The following E2F7 variants were observed in gnomAD, a reference collection of about 807,000 sequenced individuals.
E2F7 encodes E2F transcription factor 7, also known as transcription factor E2F7.
In E2F7, 35 loss-of-function variants were observed where a neutral mutation model predicts 81.1. That is an observed-to-expected ratio of 0.43 (90% CI 0.33 to 0.57). The LOEUF (loss-of-function observed/expected upper bound fraction) is 0.57. Ranked by LOEUF, E2F7 falls within the 20% of genes least tolerant of loss-of-function variation. E2F7 has a pLI of 0.04. For missense variants in E2F7, 961 were observed against 1,093.7 expected, an observed-to-expected ratio of 0.88 and a Z score of 1.71; for synonymous variants, 416 against 416.2, an observed-to-expected ratio of 1.00 and a Z score of 0.01.
Position 77,064,535 on chromosome 12 carries a change from T to G in E2F7, c.93+8A>C. ...ATATTAGAAACTAAGGTGTTTATGT[T>G]TGCTTACCTTTTGTGCATTTTCCCC... On this transcript the variant is annotated splice_region_variant and intron_variant, in intron 2 of 12. Coordinates refer to ENST00000322886, the MANE Select transcript of E2F7 (RefSeq NM_203394.3). 6.2e-7 allele frequency: 1 copy of G among 1,613,292 alleles called. No individual in the cohort carries two copies. The highest frequency in any genetic ancestry group is 8.5e-7 in the Non-Finnish European group (1 of 1,179,284).
At chr12:77,034,872 AAAC>A (rs1293903684) in intron 7 of E2F7, among the ~76,000 whole-genome samples, 6 of 152,258 alleles carry the variant, frequency 3.9e-5, no homozygotes, top group African/African-American at 1.4e-4. Context: ...TAAAAATGAA[AAAC>A]AACAACAAAA....
intron 3 of E2F7, among the ~76,000 whole-genome samples, chr12:77,053,761 G>A (rs1415289392): frequency 2.6e-5 from 4 of 152,252 alleles, no homozygotes; most frequent in Admixed American, 1.3e-4. Flanking sequence ...AGCTACATGC[G>A]AAAACACAAA....
rs143868229 is a variant in E2F7 at position 77,055,972 on chromosome 12, T to C, written c.252A>G (p.Thr84=). 7.9e-5 allele frequency: 127 copies of C among 1,614,170 alleles called. No homozygotes were observed. In the African/African-American group the frequency reaches 1.6e-3, roughly 20 times the overall value. ...CACTAATGAGCATCTTCAGGTTAGC[T>C]GTGGGTGTCCATGGTTCCGCTTGCT... ...DRQQAEPWTP[T]ANLKMLISAA... Residue 84 remains threonine, a synonymous_variant, in exon 3 of 13, where the codon ACA becomes ACG. Transcript: ENST00000322886.
chr12:77,029,268 C>T (rs573636697), intron 10 of E2F7, among the ~76,000 whole-genome samples: 1 of 152,358 alleles, frequency 6.6e-6, no homozygotes, highest in East Asian at 1.9e-4. Context: ...AATGACAGTG[C>T]TCCTGCTTTC....
In E2F7 at chr12:77,056,888, CT is replaced by C. The variant is rs35865722; in HGVS notation, c.94-759del. On this transcript the variant is annotated intron_variant, in intron 2 of 12. Transcript: ENST00000322886. Reference sequence around the variant, plus strand: ...TTGCTACTGAGGTTTATTTTTCTTACTTTTTTTTTTTTTTTAAAAGATAGGG... The same window carrying C: ...TTGCTACTGAGGTTTATTTTTCTTACTTTTTTTTTTTTTTAAAAGATAGGG... Among the ~76,000 whole-genome samples, 791 of 145,736 alleles carry C rather than the reference CT, an allele frequency of 5.4e-3. 1 individual carries two copies. Among genetic ancestry groups the C allele is most frequent in the African/African-American group, 0.013 (508 of 39,710 alleles).
chr12:77,052,215 AG>A (rs1383696852), intron 3 of E2F7, among the ~76,000 whole-genome samples: 1 of 152,206 alleles, frequency 6.6e-6, no homozygotes, highest in Non-Finnish European at 1.5e-5. Context: ...TTTAATCTCT[AG>A]ATTAAATGCA....
intron 9 of E2F7, among the ~76,000 whole-genome samples, chr12:77,032,078 G>C (rs141530795): frequency 6.6e-6 from 1 of 152,078 alleles, no homozygotes; most frequent in African/African-American, 2.4e-5. Flanking sequence ...TTCCACCTCT[G>C]GTGAGCACAG....
At chr12:77,060,441 C>T (rs1429124750) in intron 2 of E2F7, among the ~76,000 whole-genome samples, 1 of 152,156 alleles carries the variant, frequency 6.6e-6, no homozygotes, top group South Asian at 2.1e-4. Flanking sequence ...GAAAGGTCTT[C>T]GTTGTCTTGG....
intron 3 of E2F7, 28 bp from the exon 4 acceptor site, chr12:77,050,772 G>A (rs1301225157): frequency 1.2e-6 from 2 of 1,605,024 alleles, no homozygotes; most frequent in Non-Finnish European, 1.7e-6. Flanking sequence ...AAGGGAGGGG[G>A]AAGATGTCAC....
At chr12:77,053,757 A>G (rs960497921) in intron 3 of E2F7, among the ~76,000 whole-genome samples, 3 of 152,240 alleles carry the variant, frequency 2.0e-5, no homozygotes, top group Non-Finnish European at 4.4e-5. Flanking sequence ...CTACAGCTAC[A>G]TGCGAAAACA....
In E2F7 at chr12:77,025,621, G is replaced by A. The variant is rs765117396; in HGVS notation, c.2502C>T (p.Val834=). The change falls in exon 12 of 13, where the codon GTC becomes GTT. Residue 834 remains valine, a synonymous_variant. Transcript: ENST00000322886. ...LSPVMSRSHS[V]VQQPESPVYV... is the part of the protein sequence containing the mutation. The stretch of plus-strand genomic sequence containing the variant: ...AAACGGGGGACTCAGGTTGTTGGAC[G>A]ACACTGTGTGACCTTGACATCACTG... 6 of 1,614,182 alleles carry A rather than the reference G, an allele frequency of 3.7e-6. No homozygotes were observed. In the South Asian group the frequency reaches 4.4e-5, roughly 12 times the overall value.
chr12:77,065,173 C>G (rs1232709431), intron 1 of E2F7, among the ~76,000 whole-genome samples, 172 bp downstream of exon 1: 1 of 152,166 alleles, frequency 6.6e-6, no homozygotes, highest in Non-Finnish European at 1.5e-5. Context: ...ACTGCCGGGC[C>G]GGAGTGAGAG....
At chr12:77,062,425 TC>T (rs887575853) in intron 2 of E2F7, among the ~76,000 whole-genome samples, 36 of 152,174 alleles carry the variant, frequency 2.4e-4, no homozygotes, top group Admixed American at 2.6e-4. Flanking sequence ...AAAGCATCCT[TC>T]CTTTACTTCA....
At chr12:77,037,039 G>A (rs190272312) in intron 7 of E2F7, among the ~76,000 whole-genome samples, 14 of 152,232 alleles carry the variant, frequency 9.2e-5, no homozygotes, top group Non-Finnish European at 1.8e-4. Context: ...GTGAGCCACC[G>A]CGCCCGGCCC....
At chr12:77,043,729 A>G (rs1954915111) in intron 6 of E2F7, among the ~76,000 whole-genome samples, 2 of 152,298 alleles carry the variant, frequency 1.3e-5, no homozygotes, top group South Asian at 4.1e-4. Flanking sequence ...AAATTGTAGC[A>G]TTCTAGCCAC....
chr12:77,056,017 T>C lies in E2F7; in HGVS notation c.207A>G (p.Pro69=). 6.2e-7 allele frequency: 1 copy of C among 1,614,198 alleles called. No homozygotes were observed. Among genetic ancestry groups the C allele is most frequent in the Non-Finnish European group, 8.5e-7 (1 of 1,180,004 alleles). The change falls in exon 3 of 13, where the codon CCA becomes CCG. Residue 69 remains proline, a synonymous_variant. Coordinates refer to ENST00000322886, the MANE Select transcript of E2F7 (RefSeq NM_203394.3). ...KFTPERNPIT[P]VKFVDRQQAE... ...CTTGCTGTCTGTCAACAAACTTAAC[T>C]GGAGTAATGGGATTTCTTTCTGGAG...
rs779701707 is a variant in E2F7 at position 77,024,169 on chromosome 12, G to T, written c.2582C>A (p.Thr861Asn). The T allele has an allele frequency of 6.2e-7, 1 of 1,613,506 alleles. No homozygotes were observed. The highest frequency in any genetic ancestry group is 1.3e-5 in the African/African-American group (1 of 74,826). Residue 861 changes from threonine to asparagine, a missense_variant, in exon 13 of 13, where the codon ACC (threonine) becomes AAC (asparagine). By Grantham distance (65) the Thr-to-Asn change is moderately conservative (BLOSUM62 0). Around this residue, in one of 3 missense-constraint regions of E2F7, gnomAD observed 587 missense variants for 620.3 expected, o/e 0.95. Transcript: ENST00000322886. ...ATGTGTGCGTTGGATGCTCTTGGGG[G>T]TCACTGGAACTGGTGACTGAAAAAA... ...VKLHQSPVPV[T>N]PKSIQRTHRE...
intron 2 of E2F7, among the ~76,000 whole-genome samples, chr12:77,058,768 C>T (rs2120753869): frequency 6.6e-6 from 1 of 152,288 alleles, no homozygotes; most frequent in Non-Finnish European, 1.5e-5. Context: ...ATTATCTTTT[C>T]CCTCTTTTCT....
At chr12:77,062,269 C>T (rs139684240) in intron 2 of E2F7, among the ~76,000 whole-genome samples, 7 of 152,214 alleles carry the variant, frequency 4.6e-5, no homozygotes, top group South Asian at 4.2e-4. Context: ...ATTAAATCAC[C>T]GTATCCCCAG....
Sources: gnomAD v4.1 joint callset for allele counts (sites outside exome capture counted in the v4.1 genomes callset) on GRCh38, gnomAD v4.1.1 for gene constraint, gnomAD v4.1.1 regional missense constraint, MANE v1.5 for transcripts, NCBI Gene and HGNC (gene_info 2026-07-23, HGNC 2026-07-21) for gene names.